MRS2: variants seen among roughly 807,000 people sequenced by gnomAD.
The protein encoded by MRS2 is magnesium transporter MRS2 homolog, mitochondrial.
MRS2 carries 40 observed loss-of-function variants against 52.6 expected under a neutral mutation model. The observed-to-expected ratio is 0.76, with a 90% CI of 0.59 to 0.99. The LOEUF (loss-of-function observed/expected upper bound fraction) is 0.99, where lower values mean the gene tolerates loss of function less well. MRS2 is among the 50% of genes least tolerant of loss of function. The pLI, the probability that MRS2 is intolerant of heterozygous loss-of-function variation, is 0.00. For synonymous variants in MRS2, 193 were observed against 195.9 expected (o/e 0.98, Z 0.13); for missense variants, 472 against 532.7 (o/e 0.89, Z 1.12).
rs1581700619 is a variant in MRS2 at position 24,412,216 on chromosome 6, TAACAGTA to T, written c.415-5_416del. 2.6e-6 allele frequency: 4 copies of T among 1,534,392 alleles called. No individual in the cohort carries two copies. Among genetic ancestry groups the T allele is most frequent in the Middle Eastern group, 2.2e-4 (1 of 4,538 alleles). On this transcript the variant is annotated splice_acceptor_variant and splice_polypyrimidine_tract_variant and coding_sequence_variant and intron_variant, in exon 5 of 11. Coordinates refer to ENST00000378386, the MANE Select transcript of MRS2 (RefSeq NM_020662.4). LOFTEE classifies it high-confidence loss of function. ...TTATATGTTTTGGTTTTTTTTTTTTTAACAGTATTTGAAAGCTGTGATAACTCCAGAG... is the reference window on the plus strand; with the variant it reads ...TTATATGTTTTGGTTTTTTTTTTTTTTTTGAAAGCTGTGATAACTCCAGAG...
intron 3 of MRS2, among the ~76,000 whole-genome samples, chr6:24,409,157 C>T (rs530651092): frequency 7.9e-5 from 12 of 152,160 alleles, no homozygotes; most frequent in African/African-American, 2.9e-4. Flanking sequence ...AGAGAGATAA[C>T]CTGTCTCTAG....
Position 24,412,395 on chromosome 6 carries a change from G to T in MRS2, c.588G>T (p.Trp196Cys). ...CTATAGAAGCACTCCTGCAATATTG[G>T]GTAAGTCTGTTTTTATTTAGCTTCT... The part of the protein sequence containing the change: ...FRAIEALLQY[W>C]INTLQGKLSI... Residue 196 changes from tryptophan to cysteine, a missense_variant and splice_region_variant, in exon 5 of 11, where the codon TGG becomes TGT. Physicochemically the swap from Trp to Cys is radical, Grantham distance 215. Transcript: ENST00000378386. 1 of 1,527,572 alleles carries T rather than the reference G, an allele frequency of 6.5e-7. No individual in the cohort carries two copies. The highest frequency in any genetic ancestry group is 2.4e-5 in the East Asian group (1 of 41,900). The allele number at this position is 1,527,572 out of a possible 1,614,324, so 94.6% of individuals were successfully genotyped here.
intron 3 of MRS2, 54 bp downstream of exon 3, chr6:24,408,498 T>C: frequency 1.6e-6 from 2 of 1,216,258 alleles, no homozygotes; most frequent in Non-Finnish European, 2.4e-6. Context: ...GTGAATCTGA[T>C]AGAAATCAAG....
chr6:24,413,634 C>T (rs1761740600), intron 5 of MRS2, among the ~76,000 whole-genome samples: 1 of 152,194 alleles, frequency 6.6e-6, no homozygotes, highest in South Asian at 2.1e-4. Flanking sequence ...GCTGTCCAGT[C>T]TTCCCTCCCA....
intron 4 of MRS2, 35 bp downstream of exon 4, chr6:24,409,608 T>C (rs778503724): frequency 1.5e-6 from 2 of 1,315,924 alleles, no homozygotes; most frequent in South Asian, 2.6e-5. Context: ...GTTTCTCCAA[T>C]ACAATCTTAT....
intron 3 of MRS2, 80 bp downstream of exon 3, chr6:24,408,524 G>A: frequency 9.6e-7 from 1 of 1,046,730 alleles, no homozygotes; most frequent in Non-Finnish European, 1.5e-6. Flanking sequence ...GTAGTATTTT[G>A]AGTAAAATAT....
chr6:24,424,814 A>T lies in MRS2; in HGVS notation c.*1120A>T, dbSNP rs1251142103. ...ACCCTGATGATATTGAGGGTACATG[A>T]TTAGCCTAATGTGATGTCATATGAG... On this transcript the variant is annotated 3_prime_UTR_variant, in exon 11 of 11. Coordinates refer to ENST00000378386, the MANE Select transcript of MRS2 (RefSeq NM_020662.4). 2 of 152,238 alleles carry T rather than the reference A, an allele frequency of 1.3e-5. No individual in the cohort carries two copies. The highest frequency in any genetic ancestry group is 2.9e-5 in the Non-Finnish European group (2 of 68,046). The allele number at this position is 152,238 out of a possible 1,614,324, so 9.4% of individuals were successfully genotyped here. A position where few individuals can be genotyped will look rare whatever the true frequency, so the allele number is the denominator to read the frequency against.
intron 9 of MRS2, among the ~76,000 whole-genome samples, chr6:24,420,766 AC>A (rs1280826752): frequency 6.6e-6 from 1 of 152,144 alleles, no homozygotes; most frequent in Admixed American, 6.5e-5. Context: ...AGTAGAGGGA[AC>A]CACAGAAGTA....
chr6:24,403,698 C>T (rs1761366327), intron 1 of MRS2, among the ~76,000 whole-genome samples: 1 of 152,204 alleles, frequency 6.6e-6, no homozygotes, highest in Non-Finnish European at 1.5e-5. Flanking sequence ...GGATTACAGG[C>T]GTGAGCCACC....
At chr6:24,412,488 G>T in intron 5 of MRS2, 93 bp downstream of exon 5, 3 of 999,400 alleles carry the variant, frequency 3.0e-6, no homozygotes, top group Non-Finnish European at 4.4e-6. Context: ...TCAATGGCAT[G>T]TCCCCTGACC....
intron 2 of MRS2, among the ~76,000 whole-genome samples, chr6:24,405,789 C>CTTTTAA (rs1761451279): frequency 9.1e-6 from 1 of 109,908 alleles, no homozygotes. Flanking sequence ...TTTTTTTTTC[C>CTTTTAA]AAAAAAAAAA....
At chr6:24,405,271 A>G (rs770573091) in intron 2 of MRS2, 30 bp downstream of exon 2, 1 of 1,522,252 alleles carries the variant, frequency 6.6e-7, no homozygotes, top group East Asian at 2.3e-5. Flanking sequence ...TGGAAATCGT[A>G]CAGAAAGTGC....
At chr6:24,408,494 C>G (rs754210055) in intron 3 of MRS2, 50 bp downstream of exon 3, 2 of 1,241,992 alleles carry the variant, frequency 1.6e-6, no homozygotes, top group Non-Finnish European at 2.3e-6. Context: ...ATGAGTGAAT[C>G]TGATAGAAAT....
Position 24,407,459 on chromosome 6 carries a change from T to A in MRS2, c.265-949T>A, listed in dbSNP as rs370502888. On this transcript the variant is annotated intron_variant, in intron 2 of 10. Transcript: ENST00000378386. ...GACCTATATTGTACTTAAACCTGTA[T>A]GTTGGAGTGTCTTTCTGAAATGTGT... Among the ~76,000 whole-genome samples the A allele has an allele frequency of 3.1e-4, 47 of 152,338 alleles. No individual in the cohort carries two copies. The South Asian group carries it at 9.5e-3, about 31-fold the overall frequency.
intron 1 of MRS2, among the ~76,000 whole-genome samples, chr6:24,403,477 C>T (rs1413877132): frequency 6.7e-6 from 1 of 148,812 alleles, no homozygotes; most frequent in Non-Finnish European, 1.5e-5. Context: ...TCTGCCTTCT[C>T]CTCCACCGCC....
intron 1 of MRS2, among the ~76,000 whole-genome samples, chr6:24,404,469 GT>G (rs202124785): frequency 6.6e-5 from 10 of 151,408 alleles, no homozygotes; most frequent in African/African-American, 2.2e-4. Context: ...TCAGAAATAG[GT>G]TTTTTTTTCT....
intron 6 of MRS2, among the ~76,000 whole-genome samples, chr6:24,415,593 C>A (rs528815468): frequency 6.6e-6 from 1 of 152,216 alleles, no homozygotes; most frequent in African/African-American, 2.4e-5. Context: ...GTTATACTCC[C>A]GAAATCCCTT....
chr6:24,412,921 G>A (rs1183319298), intron 5 of MRS2, among the ~76,000 whole-genome samples: 3 of 152,158 alleles, frequency 2.0e-5, no homozygotes, highest in African/African-American at 7.2e-5. Flanking sequence ...TGCAAGAGTT[G>A]GTGCTGGGAG....
At chr6:24,422,482 G>C (rs73384232) in intron 9 of MRS2, among the ~76,000 whole-genome samples, 3,045 of 152,078 alleles carry the variant, frequency 0.02, 82 homozygotes, top group African/African-American at 0.067. Flanking sequence ...TCACAGTATC[G>C]GAAGACAAAA....
Sources: gnomAD v4.1 joint callset for allele counts (sites outside exome capture counted in the v4.1 genomes callset) on GRCh38, gnomAD v4.1.1 for gene constraint, MANE v1.5 for transcripts, NCBI Gene and HGNC (gene_info 2026-07-23, HGNC 2026-07-21) for gene names.